Variants in PNPLA8 observed in about 807,000 individuals in gnomAD.
PNPLA8 encodes calcium-independent phospholipase A2-gamma.
PNPLA8 carries 39 observed loss-of-function variants against 76.9 expected under a neutral mutation model. That is an observed-to-expected ratio of 0.51 (90% CI 0.39 to 0.66). The LOEUF (loss-of-function observed/expected upper bound fraction) is 0.66, where lower values mean the gene tolerates loss of function less well. PNPLA8 is among the 30% of genes least tolerant of loss of function. PNPLA8 has a pLI of 0.00. For synonymous variants in PNPLA8, 301 were observed against 307.9 expected (o/e 0.98, Z 0.24); for missense variants, 887 against 918.0 (o/e 0.97, Z 0.44).
chr7:108,472,493 T>C lies in PNPLA8; in HGVS notation c.2257A>G (p.Ser753Gly). ...QKMKKVAKILSQEKTTLQKIN... is the reference protein window; with the variant it reads ...QKMKKVAKILGQEKTTLQKIN... ...TTCTGCAGAGTTGTTTTTTCTTGACTTAATATTTTTGCAACTTTTTTCATT... is the reference window on the plus strand; with the variant it reads ...TTCTGCAGAGTTGTTTTTTCTTGACCTAATATTTTTGCAACTTTTTTCATT... Residue 753 changes from serine (S) to glycine (G), a missense_variant, in exon 11 of 11, where the codon AGT becomes GGT. Coordinates refer to ENST00000257694, the MANE Select transcript of PNPLA8 (RefSeq NM_001256007.3). 6.2e-7 allele frequency: 1 copy of C among 1,608,562 alleles called. No homozygotes were observed. Among genetic ancestry groups the C allele is most frequent in the South Asian group, 1.1e-5 (1 of 89,806 alleles).
At chr7:108,493,041 C>T (rs932551221) in intron 7 of PNPLA8, among the ~76,000 whole-genome samples, 3 of 152,126 alleles carry the variant, frequency 2.0e-5, no homozygotes, top group African/African-American at 4.8e-5. Flanking sequence ...GTAGAGCCAC[C>T]AAGTGAGCTC....
intron 4 of PNPLA8, chr7:108,510,281 C>G: frequency 6.3e-7 from 1 of 1,584,636 alleles, no homozygotes; most frequent in African/African-American, 1.3e-5. Context: ...GCCAGAAACC[C>G]TTAAGAAAAA....
intron 2 of PNPLA8, among the ~76,000 whole-genome samples, chr7:108,519,041 C>A (rs1400756607): frequency 4.5e-5 from 6 of 134,632 alleles, no homozygotes; most frequent in East Asian, 2.1e-4. Flanking sequence ...GAATGAAAGA[C>A]AAAGTGAGAT....
At chr7:108,504,903 C>A (rs1862231947) in intron 4 of PNPLA8, among the ~76,000 whole-genome samples, 2 of 151,996 alleles carry the variant, frequency 1.3e-5, no homozygotes, top group South Asian at 4.2e-4. Flanking sequence ...ATGGGGAAAC[C>A]CCATCTCTAC....
In PNPLA8 at chr7:108,470,653, GC is replaced by G. The variant is rs774203023; in HGVS notation, c.*1747del. 7.9e-5 allele frequency: 12 copies of G among 151,908 alleles called. No homozygotes were observed. The highest frequency in any genetic ancestry group is 1.5e-4 in the Non-Finnish European group (10 of 67,944). The allele number at this position is 151,908 out of a possible 1,614,324, so 9.4% of individuals were successfully genotyped here. On this transcript the variant is annotated 3_prime_UTR_variant, in exon 11 of 11. Coordinates refer to ENST00000257694, the MANE Select transcript of PNPLA8 (RefSeq NM_001256007.3). ...ATTTCCAATTATTTGTTTTTTTCTTGCATTTACAAGTTGTTCTTAGTTGCAT... is the reference window on the plus strand; with the variant it reads ...ATTTCCAATTATTTGTTTTTTTCTTGATTTACAAGTTGTTCTTAGTTGCAT...
At chr7:108,524,348 G>T (rs1306906989) in intron 1 of PNPLA8, among the ~76,000 whole-genome samples, 1 of 152,074 alleles carries the variant, frequency 6.6e-6, no homozygotes, top group Non-Finnish European at 1.5e-5. Flanking sequence ...GAGCGACAGG[G>T]GTAGAGCCTT....
At chr7:108,525,512 CATACA>C (rs1252333520) in intron 1 of PNPLA8, among the ~76,000 whole-genome samples, 1 of 152,190 alleles carries the variant, frequency 6.6e-6, no homozygotes, top group Non-Finnish European at 1.5e-5. Context: ...CACAGTGATT[CATACA>C]CCTTATCCAC....
upstream of PNPLA8, chr7:108,527,902 C>T (rs935920336): frequency 2.6e-5 from 4 of 152,212 alleles, no homozygotes; most frequent in African/African-American, 9.6e-5. Context: ...GAGAGCACCA[C>T]CATTCCCTCT....
chr7:108,495,855 G>A (rs558884262), intron 7 of PNPLA8, among the ~76,000 whole-genome samples: 239 of 152,160 alleles, frequency 1.6e-3, no homozygotes, highest in Non-Finnish European at 2.3e-3. Flanking sequence ...TTTGAAAAAA[G>A]GAGAAGGATA....
At chr7:108,487,738 A>G in intron 9 of PNPLA8, 21 bp downstream of exon 9, 1 of 1,494,802 alleles carries the variant, frequency 6.7e-7, no homozygotes, top group Non-Finnish European at 9.1e-7. Flanking sequence ...TTAAAAAAAT[A>G]AGACATACAA....
rs144275573 is a variant in PNPLA8 at position 108,496,078 on chromosome 7, A to T, written c.1625+506T>A. On this transcript the variant is annotated intron_variant, in intron 7 of 10. Coordinates refer to ENST00000257694, the MANE Select transcript of PNPLA8 (RefSeq NM_001256007.3). ...GTGAAATCTTCTCTCTACTAAAAAC[A>T]GAAAAAATTAGCTGGGCATGGTGGT... 1.0e-3 allele frequency among the ~76,000 whole-genome samples: 157 copies of T among 152,208 alleles called. 2 individuals carry two copies. Among genetic ancestry groups the T allele is most frequent in the African/African-American group, 3.5e-3 (144 of 41,522 alleles).
At chr7:108,498,734 A>T (rs1347501606) in intron 5 of PNPLA8, among the ~76,000 whole-genome samples, 1 of 152,164 alleles carries the variant, frequency 6.6e-6, no homozygotes, top group African/African-American at 2.4e-5. Context: ...AAGGAATGCG[A>T]AACGATGAAA....
At chr7:108,519,028 T>C (rs2154517043) in intron 2 of PNPLA8, among the ~76,000 whole-genome samples, 1 of 147,878 alleles carries the variant, frequency 6.8e-6, no homozygotes, top group African/African-American at 2.5e-5. Flanking sequence ...GAAGGTACCA[T>C]GTGAATGAAA....
intron 2 of PNPLA8, among the ~76,000 whole-genome samples, chr7:108,519,095 T>C (rs887761445): frequency 2.8e-5 from 4 of 143,012 alleles, no homozygotes; most frequent in African/African-American, 1.0e-4. Context: ...GGTTAAAAAC[T>C]GGCCAAATTT....
At chr7:108,497,087 A>G (rs1315328832) in intron 6 of PNPLA8, among the ~76,000 whole-genome samples, 1 of 152,242 alleles carries the variant, frequency 6.6e-6, no homozygotes, top group Admixed American at 6.5e-5. Flanking sequence ...TAAATTATAT[A>G]TAAGATACTA....
chr7:108,503,115 G>A (rs1254543687), intron 4 of PNPLA8, among the ~76,000 whole-genome samples: 1 of 152,126 alleles, frequency 6.6e-6, no homozygotes, highest in Non-Finnish European at 1.5e-5. Context: ...ACAAACAAAT[G>A]TTAACAAAGG....
At chr7:108,522,008 T>C (rs887224637) in intron 1 of PNPLA8, among the ~76,000 whole-genome samples, 2 of 151,962 alleles carry the variant, frequency 1.3e-5, no homozygotes, top group African/African-American at 4.8e-5. Flanking sequence ...ATAAGAAACA[T>C]TTACAGGCCG....
chr7:108,480,649 C>A (rs1277907673), intron 9 of PNPLA8: 6 of 347,604 alleles, frequency 1.7e-5, no homozygotes, highest in Non-Finnish European at 3.7e-5. Flanking sequence ...CCACATATAG[C>A]CTTAAACAGT....
At chr7:108,524,713 G>A (rs1429380129) in intron 1 of PNPLA8, among the ~76,000 whole-genome samples, 1 of 152,094 alleles carries the variant, frequency 6.6e-6, no homozygotes, top group Non-Finnish European at 1.5e-5. Context: ...CCAGCTACTC[G>A]GGAGGCTGAA....
Sources: allele counts gnomAD v4.1 joint callset (sites outside exome capture counted in the v4.1 genomes callset), GRCh38; gene constraint gnomAD v4.1.1; transcripts MANE v1.5; gene names NCBI Gene and HGNC (gene_info 2026-07-23, HGNC 2026-07-21).